The following RANBP2 variants were observed in gnomAD, a reference collection of about 807,000 sequenced individuals.
RANBP2 encodes the protein RAN binding protein 2.
Under a neutral mutation model 303.6 loss-of-function variants are expected in RANBP2, and 57 were observed. That is an observed-to-expected ratio of 0.19 (90% CI 0.15 to 0.23). The LOEUF (loss-of-function observed/expected upper bound fraction) is 0.23. Ranked by LOEUF, RANBP2 falls within the 10% of genes least tolerant of loss-of-function variation. RANBP2 has a pLI of 1.00. For synonymous variants in RANBP2, 1,167 were observed against 1,301.5 expected (o/e 0.90, Z 2.23); for missense variants, 3,138 against 3,780.8 (o/e 0.83, Z 4.46).
At chr2:108,930,093 C>T in the RANBP2 span, 1 of 1,605,976 alleles carries the variant, frequency 6.2e-7, no homozygotes. Flanking sequence ...GAGAGCGCAC[C>T]AGGCTCCAGG....
At chr2:108,926,040 A>G in the RANBP2 span, among the ~76,000 whole-genome samples, 1 of 152,220 alleles carries the variant, frequency 6.6e-6, no homozygotes, top group African/African-American at 2.4e-5. Flanking sequence ...GTATTGCTGC[A>G]TGCAACATTT....
At chr2:109,546,756 T>G in the RANBP2 span, among the ~76,000 whole-genome samples, 2 of 152,222 alleles carry the variant, frequency 1.3e-5, no homozygotes, top group African/African-American at 2.4e-5. Context: ...TTTTCCATAG[T>G]CTTTCAATGT....
chr2:108,780,872 G>T (rs1370758696), intron 25 of RANBP2, among the ~76,000 whole-genome samples: 2 of 152,084 alleles, frequency 1.3e-5, no homozygotes, highest in African/African-American at 4.8e-5. Flanking sequence ...ACCATGCCTG[G>T]TTAATTTTGT....
chr2:109,610,152 G>T, the RANBP2 span, among the ~76,000 whole-genome samples: 1 of 151,346 alleles, frequency 6.6e-6, no homozygotes, highest in Non-Finnish European at 1.5e-5. Context: ...GCAGTGGCGC[G>T]ATCTCAGCTT....
At chr2:109,097,741 G>A in the RANBP2 span, among the ~76,000 whole-genome samples, 1 of 8,748 alleles carries the variant, frequency 1.1e-4, no homozygotes, top group South Asian at 6.3e-3. Flanking sequence ...CTTAGGGTGT[G>A]TGTGTGTGTG....
the RANBP2 span, among the ~76,000 whole-genome samples, chr2:109,249,517 CTT>C: frequency 0.46 from 38,567 of 83,706 alleles, 7,997 homozygotes; most frequent in African/African-American, 0.51. Context: ...TTCATTCTTT[CTT>C]TTTCTTTCTT....
chr2:109,471,724 C>G, the RANBP2 span, among the ~76,000 whole-genome samples: 1 of 152,226 alleles, frequency 6.6e-6, no homozygotes, highest in Admixed American at 6.5e-5. Context: ...CTTGCTGTCT[C>G]AGCCTCACAT....
the RANBP2 span, among the ~76,000 whole-genome samples, chr2:109,391,215 C>T: frequency 6.6e-6 from 1 of 152,272 alleles, no homozygotes; most frequent in Admixed American, 6.5e-5. Flanking sequence ...TGCAGGTCTG[C>T]ACCTGCGTTT....
At chr2:108,910,362 G>T in the RANBP2 span, 1 of 984,756 alleles carries the variant, frequency 1.0e-6, no homozygotes. Flanking sequence ...AGTGTCCCAG[G>T]CTAGCCTGTC....
chr2:109,430,128 G>A, the RANBP2 span, among the ~76,000 whole-genome samples: 1 of 152,202 alleles, frequency 6.6e-6, no homozygotes, highest in Non-Finnish European at 1.5e-5. Flanking sequence ...CAGAGGAAAG[G>A]CAGCCCCGGA....
chr2:109,071,012 C>T, the RANBP2 span, among the ~76,000 whole-genome samples: 1 of 152,142 alleles, frequency 6.6e-6, no homozygotes, highest in East Asian at 1.9e-4. Flanking sequence ...AATTAAACCT[C>T]TTTTCTTTAT....
the RANBP2 span, among the ~76,000 whole-genome samples, chr2:109,612,738 G>C: frequency 1.3e-5 from 2 of 152,112 alleles, no homozygotes; most frequent in Non-Finnish European, 2.9e-5. Flanking sequence ...CACAAACACA[G>C]CAACTGAGAC....
chr2:109,714,595 C>T, the RANBP2 span, among the ~76,000 whole-genome samples: 19 of 151,218 alleles, frequency 1.3e-4, no homozygotes, highest in East Asian at 3.8e-3. Flanking sequence ...CCACTGTGCC[C>T]GAGCTTTATT....
chr2:108,759,708 T>G (rs1676586804), intron 18 of RANBP2, among the ~76,000 whole-genome samples: 1 of 152,194 alleles, frequency 6.6e-6, no homozygotes, highest in Non-Finnish European at 1.5e-5. Flanking sequence ...GTTCAAACCT[T>G]GTTTTCTTAA....
chr2:109,218,049 G>T, the RANBP2 span, among the ~76,000 whole-genome samples: 1 of 152,164 alleles, frequency 6.6e-6, no homozygotes, highest in Non-Finnish European at 1.5e-5. Context: ...GCAAGTGGCA[G>T]ACAGCTGCGG....
intron 20 of RANBP2, 32 bp from the exon 21 acceptor site, chr2:108,771,669 A>T (rs1558931609): frequency 1.2e-6 from 2 of 1,607,736 alleles, no homozygotes; most frequent in South Asian, 2.2e-5. Context: ...TTAATACCTT[A>T]TCTTTGTCAA....
the RANBP2 span, among the ~76,000 whole-genome samples, chr2:109,490,158 C>T: frequency 2.6e-5 from 4 of 152,234 alleles, no homozygotes; most frequent in Non-Finnish European, 4.4e-5. Flanking sequence ...CATCTTACAA[C>T]TGAGATGCCA....
chr2:109,413,238 C>A, the RANBP2 span, among the ~76,000 whole-genome samples: 1 of 152,204 alleles, frequency 6.6e-6, no homozygotes, highest in Non-Finnish European at 1.5e-5. Context: ...CCTGAGCCTC[C>A]CAAGTAACTG....
At position 108,738,114 on chromosome 2, in the gene RANBP2, C is replaced by T. The variant is rs376057714; in HGVS notation, c.782+1865C>T. Reference sequence around the variant, plus strand: ...TTTTTGAGACGGAGTCTCGCTCTGTCGCCCAGGCTGGAGTGCGGTGGCGCC... The same window carrying T: ...TTTTTGAGACGGAGTCTCGCTCTGTTGCCCAGGCTGGAGTGCGGTGGCGCC... On this transcript the variant is annotated intron_variant, in intron 6 of 28. Transcript: ENST00000283195. Among the ~76,000 whole-genome samples the T allele has an allele frequency of 5.4e-4, 81 of 151,274 alleles. No individual in the cohort carries two copies. The South Asian group carries it at 0.015, about 28-fold the overall frequency.
Sources: allele counts gnomAD v4.1 joint callset (sites outside exome capture counted in the v4.1 genomes callset), GRCh38; gene constraint gnomAD v4.1.1; transcripts MANE v1.5; gene names NCBI Gene and HGNC (gene_info 2026-07-23, HGNC 2026-07-21).